Variants in GRID2 observed in about 807,000 individuals in gnomAD.
GRID2 encodes glutamate ionotropic receptor delta type subunit 2, also known as glutamate receptor ionotropic, delta-2.
Under a neutral mutation model 114.8 loss-of-function variants are expected in GRID2, and 33 were observed. The ratio of observed to expected loss-of-function variants is 0.29; its 90% confidence interval spans 0.22 to 0.38. GRID2 has a LOEUF of 0.38. GRID2 is among the 10% of genes least tolerant of loss of function. The pLI is 1.00. For missense variants in GRID2, 1,184 were observed against 1,257.7 expected (o/e 0.94, Z 0.89); for synonymous variants, 505 against 449.9 (o/e 1.12, Z -1.55).
chr4:92,804,155 G>A (rs559210294), intron 2 of GRID2, among the ~76,000 whole-genome samples: 10 of 152,072 alleles, frequency 6.6e-5, no homozygotes, highest in Admixed American at 1.3e-4. Flanking sequence ...CCACCCTAAC[G>A]ACTTTACCTT....
At chr4:92,569,089 A>T (rs1727486727) in intron 1 of GRID2, among the ~76,000 whole-genome samples, 1 of 151,806 alleles carries the variant, frequency 6.6e-6, no homozygotes, top group Non-Finnish European at 1.5e-5. Context: ...TTAAGCCAAC[A>T]TCCATTATTC....
chr4:93,606,470 G>T (rs17356266), intron 13 of GRID2, among the ~76,000 whole-genome samples: 3,205 of 152,260 alleles, frequency 0.021, 48 homozygotes, highest in Middle Eastern at 0.037. Context: ...TGTTATAAAA[G>T]TAGAAATGTC....
chr4:92,882,868 C>G (rs549896812), intron 2 of GRID2, among the ~76,000 whole-genome samples: 1 of 152,186 alleles, frequency 6.6e-6, no homozygotes, highest in Admixed American at 6.5e-5. Context: ...GAGCCTTCAA[C>G]AAGTACAAAT....
chr4:93,186,797 C>A (rs1179259040), intron 4 of GRID2, among the ~76,000 whole-genome samples: 1 of 152,138 alleles, frequency 6.6e-6, no homozygotes, highest in Non-Finnish European at 1.5e-5. Flanking sequence ...ACATTTATAA[C>A]TAAATTCATA....
chr4:93,708,335 C>T (rs72875913), intron 14 of GRID2, among the ~76,000 whole-genome samples: 8,416 of 152,004 alleles, frequency 0.055, 763 homozygotes, highest in African/African-American at 0.19. Context: ...GTTTATGTCT[C>T]TCTTTAGCTC....
chr4:93,206,081 TAAA>T (rs1742732840), intron 4 of GRID2, among the ~76,000 whole-genome samples: 1 of 151,620 alleles, frequency 6.6e-6, no homozygotes, highest in Non-Finnish European at 1.5e-5. Flanking sequence ...AATAATAAAA[TAAA>T]ATTAAAAATG....
intron 1 of GRID2, among the ~76,000 whole-genome samples, chr4:92,421,812 A>C (rs1731923020): frequency 6.6e-6 from 1 of 152,146 alleles, no homozygotes; most frequent in African/African-American, 2.4e-5. Flanking sequence ...CAAAGAAAAG[A>C]ACACTGGGTA....
At chr4:93,512,159 A>G (rs998497470) in intron 12 of GRID2, among the ~76,000 whole-genome samples, 2 of 152,150 alleles carry the variant, frequency 1.3e-5, no homozygotes, top group Non-Finnish European at 2.9e-5. Context: ...TTGACATGGT[A>G]TATTAATGTA....
chr4:93,652,440 G>A (rs536759982), intron 14 of GRID2, among the ~76,000 whole-genome samples: 2 of 152,142 alleles, frequency 1.3e-5, no homozygotes, highest in Non-Finnish European at 2.9e-5. Flanking sequence ...CATTTTTCTC[G>A]TAACTTTTCT....
chr4:92,330,495 G>A (rs966806630), intron 1 of GRID2, among the ~76,000 whole-genome samples: 7 of 151,974 alleles, frequency 4.6e-5, no homozygotes, highest in Admixed American at 4.6e-4. Context: ...TACTACTTGG[G>A]CAATATTTAT....
chr4:93,157,502 A>G (rs1357854295), intron 4 of GRID2, among the ~76,000 whole-genome samples: 1 of 151,784 alleles, frequency 6.6e-6, no homozygotes, highest in Non-Finnish European at 1.5e-5. Flanking sequence ...CACCAAAATT[A>G]TACAATTTGT....
chr4:92,512,371 C>A (rs1006938563), intron 1 of GRID2, among the ~76,000 whole-genome samples: 9 of 151,752 alleles, frequency 5.9e-5, no homozygotes, highest in African/African-American at 2.2e-4. Context: ...TCATTCAAGT[C>A]TCTCCTTTTA....
chr4:92,674,223 AC>A (rs1733216534), intron 2 of GRID2, among the ~76,000 whole-genome samples: 1 of 152,022 alleles, frequency 6.6e-6, no homozygotes, highest in Non-Finnish European at 1.5e-5. Context: ...ATGTTTTTGA[AC>A]CTTATTTTCT....
intron 1 of GRID2, among the ~76,000 whole-genome samples, chr4:92,582,183 A>C (rs952023226): frequency 1.3e-5 from 2 of 151,870 alleles, no homozygotes; most frequent in Non-Finnish European, 2.9e-5. Context: ...TATAAAGTCA[A>C]TAACTTTATA....
At chr4:92,615,177 T>C (rs542515583) in intron 2 of GRID2, among the ~76,000 whole-genome samples, 13 of 151,690 alleles carry the variant, frequency 8.6e-5, no homozygotes, top group Non-Finnish European at 1.9e-4. Flanking sequence ...CTTCTCACTG[T>C]ATCCTAACAT....
In GRID2 at chr4:93,234,458, G is replaced by A. The variant is rs567685614; in HGVS notation, c.1126-3913G>A. Among the ~76,000 whole-genome samples the A allele has an allele frequency of 7.2e-5, 11 of 152,180 alleles. No individual in the cohort carries two copies. In the East Asian group the frequency reaches 2.1e-3, roughly 29 times the overall value. On this transcript the variant is annotated intron_variant, in intron 7 of 15. Transcript: ENST00000282020. Reference sequence around the variant, plus strand: ...CTAAGGGTCCCCTAAGATGGAGACAGCATGATCACAATGCTTGTAACTTCC... The same window carrying A: ...CTAAGGGTCCCCTAAGATGGAGACAACATGATCACAATGCTTGTAACTTCC...
At chr4:93,518,664 T>A (rs1028446602) in intron 13 of GRID2, among the ~76,000 whole-genome samples, 3 of 152,072 alleles carry the variant, frequency 2.0e-5, no homozygotes, top group African/African-American at 7.2e-5. Context: ...GAGAAGAGGA[T>A]GGGAAATACC....
chr4:92,668,803 T>G (rs1290435598), intron 2 of GRID2, among the ~76,000 whole-genome samples: 2 of 151,896 alleles, frequency 1.3e-5, no homozygotes, highest in Non-Finnish European at 2.9e-5. Context: ...TGCTTACTTA[T>G]GCATAAATAT....
At chr4:93,491,001 A>G (rs1691661584) in intron 12 of GRID2, among the ~76,000 whole-genome samples, 1 of 151,912 alleles carries the variant, frequency 6.6e-6, no homozygotes, top group Non-Finnish European at 1.5e-5. Context: ...TATGATTTCA[A>G]TGTTGCTTCC....
Sources: gnomAD v4.1 joint callset for allele counts (sites outside exome capture counted in the v4.1 genomes callset) on GRCh38, gnomAD v4.1.1 for gene constraint, MANE v1.5 for transcripts, NCBI Gene and HGNC (gene_info 2026-07-23, HGNC 2026-07-21) for gene names.